IGSF23: variants seen among roughly 807,000 people sequenced by gnomAD.
IGSF23 encodes immunoglobulin superfamily member 23, also known as immunoglobulin superfamily, member 23.
In IGSF23, 14 loss-of-function variants were observed where a neutral mutation model predicts 17.8. The observed-to-expected ratio is 0.79, with a 90% confidence interval of 0.52 to 1.23. IGSF23 has a LOEUF of 1.23. Among genes scored for constraint, IGSF23 ranks in the 50% most tolerant of loss-of-function variants. The pLI is 0.00. For missense variants in IGSF23, 214 were observed against 241.7 expected (o/e 0.89, Z 0.76); for synonymous variants, 85 against 92.5 (o/e 0.92, Z 0.46).
chr19:44,627,492 C>A lies in IGSF23; in HGVS notation c.464C>A (p.Ala155Asp). ...DPTLSLSGGSAIGLLAAGILG... is the reference protein window; with the variant it reads ...DPTLSLSGGSDIGLLAAGILG... The stretch of plus-strand genomic sequence containing the variant: ...ACTCTGTCCCTGTCAGGAGGCTCTG[C>A]CATCGGGCTCCTTGCGGCTGGGATC... The change falls in exon 3 of 5, where the codon GCC becomes GAC. Residue 155 changes from alanine (A) to aspartate (D), a missense_variant. Transcript: ENST00000402988. 1.3e-6 allele frequency: 2 copies of A among 1,550,534 alleles called. No homozygotes were observed. Among genetic ancestry groups the A allele is most frequent in the Non-Finnish European group, 1.7e-6 (2 of 1,146,948 alleles).
At chr19:44,620,469 C>T (rs1294602266) in intron 1 of IGSF23, among the ~76,000 whole-genome samples, 3 of 151,496 alleles carry the variant, frequency 2.0e-5, no homozygotes, top group African/African-American at 7.3e-5. Flanking sequence ...CGGGTTCAAG[C>T]GAGTCTCCTG....
chr19:44,636,191 G>A (rs1319201404), intron 4 of IGSF23, among the ~76,000 whole-genome samples: 1 of 152,110 alleles, frequency 6.6e-6, no homozygotes, highest in African/African-American at 2.4e-5. Flanking sequence ...GGACTTCATT[G>A]GCCAAAGTTA....
chr19:44,636,599 C>T lies in IGSF23; in HGVS notation c.*212C>T, dbSNP rs1972894105. The T allele has an allele frequency of 6.6e-6, 1 of 152,148 alleles. No homozygotes were observed. Among genetic ancestry groups the T allele is most frequent in the Non-Finnish European group, 1.5e-5 (1 of 68,030 alleles). The allele number at this position is 152,148 out of a possible 1,614,324, so 9.4% of individuals were successfully genotyped here. On this transcript the variant is annotated 3_prime_UTR_variant, in exon 5 of 5. Coordinates refer to ENST00000402988, the MANE Select transcript of IGSF23 (RefSeq NM_001205280.2). ...TCGGTGCCATCCTTGGTCCCATCGC[C>T]GTGACACGTTGTGCAAGCAAAGCAT...
intron 4 of IGSF23, 59 bp downstream of exon 4, chr19:44,635,524 G>A: frequency 8.4e-7 from 1 of 1,192,854 alleles, no homozygotes; most frequent in Non-Finnish European, 1.2e-6. Context: ...GAAGTTCTTG[G>A]GCAGAGACTC....
At chr19:44,633,750 G>C (rs941691465) in intron 3 of IGSF23, among the ~76,000 whole-genome samples, 1 of 152,142 alleles carries the variant, frequency 6.6e-6, no homozygotes, top group East Asian at 1.9e-4. Flanking sequence ...TATTTCACAG[G>C]TGGAATGTTT....
chr19:44,627,541 A>G lies in IGSF23; in HGVS notation c.513A>G (p.Ala171=), dbSNP rs1273841623. ...AGILGAGALI[A]GMCFIIIQSL... is the part of the protein sequence containing the mutation. Reference sequence around the variant, plus strand: ...TCCTGGGAGCCGGGGCACTGATTGCAGGCATGTGTTTCATCATCATCCAGA... The same window carrying G: ...TCCTGGGAGCCGGGGCACTGATTGCGGGCATGTGTTTCATCATCATCCAGA... Residue 171 remains alanine, a synonymous_variant, in exon 3 of 5, where the codon GCA becomes GCG. Coordinates refer to ENST00000402988, the MANE Select transcript of IGSF23 (RefSeq NM_001205280.2). 15 of 1,550,458 alleles carry G rather than the reference A, an allele frequency of 9.7e-6. No individual in the cohort carries two copies. In the South Asian group the frequency reaches 1.1e-4, roughly 11 times the overall value.
rs773257137 is a variant in IGSF23, at chr19:44,613,761, C to T, written c.116C>T (p.Ala39Val). The T allele has an allele frequency of 5.4e-5, 83 of 1,550,340 alleles. No individual in the cohort carries two copies. The highest frequency in any genetic ancestry group is 6.8e-5 in the Non-Finnish European group (78 of 1,146,918). Reference sequence around the variant, plus strand: ...GATGCGGCTGGAGGTGACTTCCCAGCCAACTTGGTGTAAGTCATGTGGGGA... The same window carrying T: ...GATGCGGCTGGAGGTGACTTCCCAGTCAACTTGGTGTAAGTCATGTGGGGA... ...EKDAAGGDFP[A>V]NLVLQLMPLK... The change falls in exon 1 of 5, where the codon GCC (alanine) becomes GTC (valine). Residue 39 changes from alanine to valine, a missense_variant. Coordinates refer to ENST00000402988, the MANE Select transcript of IGSF23 (RefSeq NM_001205280.2).
intron 2 of IGSF23, among the ~76,000 whole-genome samples, chr19:44,626,207 C>T (rs1972643942): frequency 1.3e-5 from 2 of 152,154 alleles, no homozygotes; most frequent in Admixed American, 6.5e-5. Flanking sequence ...ATGGGAATCT[C>T]AGCTTGGCTG....
Position 44,613,725 on chromosome 19 carries a change from T to C in IGSF23, c.80T>C (p.Met27Thr), listed in dbSNP as rs562540150. 3,125 of 1,550,534 alleles carry C rather than the reference T, an allele frequency of 2.0e-3. 4 individuals carry two copies. The highest frequency in any genetic ancestry group is 2.6e-3 in the Non-Finnish European group (2,962 of 1,146,960). ...CCACCCACCACCACCACTGACCCGATGCTAGAGAAGGATGCGGCTGGAGGT... is the reference window on the plus strand; with the variant it reads ...CCACCCACCACCACCACTGACCCGACGCTAGAGAAGGATGCGGCTGGAGGT... ...WSPPTTTTDP[M>T]LEKDAAGGDF... The change falls in exon 1 of 5, where the codon ATG becomes ACG. Residue 27 changes from methionine to threonine, a missense_variant. Coordinates refer to ENST00000402988, the MANE Select transcript of IGSF23 (RefSeq NM_001205280.2).
intron 1 of IGSF23, among the ~76,000 whole-genome samples, chr19:44,623,229 A>C (rs982753781): frequency 1.3e-5 from 2 of 152,182 alleles, no homozygotes; most frequent in Non-Finnish European, 2.9e-5. Flanking sequence ...TTAGGCAGAG[A>C]AGGCAGGAAA....
chr19:44,613,586 A>G lies in IGSF23; in HGVS notation c.-60A>G. The stretch of plus-strand genomic sequence containing the variant: ...CCATTCCTTGCCTTTGATGTGAGTG[A>G]TAGGAGCGGGCGATTCTGCTTCTCC... On this transcript the variant is annotated 5_prime_UTR_variant, in exon 1 of 5. Transcript: ENST00000402988. 6.7e-7 allele frequency: 1 copy of G among 1,486,914 alleles called. No homozygotes were observed. The allele number at this position is 1,486,914 out of a possible 1,614,324, so 92.1% of individuals were successfully genotyped here.
chr19:44,621,348 T>C (rs1972516391), intron 1 of IGSF23, among the ~76,000 whole-genome samples: 1 of 149,816 alleles, frequency 6.7e-6, no homozygotes, highest in Admixed American at 6.7e-5. Context: ...GCCTTCCTTT[T>C]CTCATCAAAA....
At chr19:44,627,603 G>A in intron 3 of IGSF23, 30 bp downstream of exon 3, 1 of 1,532,610 alleles carries the variant, frequency 6.5e-7, no homozygotes, top group Non-Finnish European at 8.8e-7. Flanking sequence ...CCGTCCACTG[G>A]GCAACATCCA....
At chr19:44,624,145 T>C (rs1232554903) in intron 2 of IGSF23, among the ~76,000 whole-genome samples, 173 bp downstream of exon 2, 1 of 152,138 alleles carries the variant, frequency 6.6e-6, no homozygotes. Flanking sequence ...CTGTGGATTA[T>C]TAGGCCACTT....
At chr19:44,625,016 G>A (rs924883400) in intron 2 of IGSF23, among the ~76,000 whole-genome samples, 4 of 151,910 alleles carry the variant, frequency 2.6e-5, no homozygotes, top group Admixed American at 6.6e-5. Flanking sequence ...ACAGTGAGCT[G>A]TAATCGCACC....
intron 3 of IGSF23, among the ~76,000 whole-genome samples, chr19:44,629,344 G>A (rs1447737012): frequency 6.6e-6 from 1 of 152,156 alleles, no homozygotes. Context: ...TTGAGCCTAG[G>A]AGTTTGAGAC....
intron 2 of IGSF23, 94 bp downstream of exon 2, chr19:44,624,066 C>T: frequency 9.0e-7 from 1 of 1,110,802 alleles, no homozygotes; most frequent in Admixed American, 2.3e-5. Flanking sequence ...AAGCCACCTA[C>T]TATGAGCAGT....
intron 1 of IGSF23, among the ~76,000 whole-genome samples, chr19:44,622,200 C>T (rs1056089961): frequency 9.5e-5 from 14 of 147,378 alleles, no homozygotes; most frequent in Non-Finnish European, 1.3e-4. Flanking sequence ...AGCAAAACTC[C>T]GTTTCAAGAA....
intron 3 of IGSF23, among the ~76,000 whole-genome samples, chr19:44,629,904 G>A (rs1429041308): frequency 6.6e-6 from 1 of 152,020 alleles, no homozygotes; most frequent in Non-Finnish European, 1.5e-5. Context: ...GGGATTACAA[G>A]CATAAGCCAC....
Sources: allele counts gnomAD v4.1 joint callset (sites outside exome capture counted in the v4.1 genomes callset), GRCh38; gene constraint gnomAD v4.1.1; transcripts MANE v1.5; gene names NCBI Gene and HGNC (gene_info 2026-07-23, HGNC 2026-07-21).